The following PRKG2 variants were observed in gnomAD, a reference collection of about 807,000 sequenced individuals.
PRKG2 encodes the protein protein kinase cGMP-dependent 2.
PRKG2 carries 33 observed loss-of-function variants against 97.2 expected under a neutral mutation model. That is an observed-to-expected ratio of 0.34 (90% CI 0.26 to 0.45). The LOEUF is 0.45. Ranked by LOEUF, PRKG2 falls within the 20% of genes least tolerant of loss-of-function variation. PRKG2 has a pLI of 1.00. For synonymous variants in PRKG2, 330 were observed against 321.8 expected (o/e 1.03, Z -0.27); for missense variants, 638 against 900.0 (o/e 0.71, Z 3.73).
At position 81,144,268 on chromosome 4, in the gene PRKG2, G is replaced by A; in HGVS notation, c.1217C>T (p.Ala406Val). The A allele has an allele frequency of 6.2e-7, 1 of 1,612,192 alleles. No individual in the cohort carries two copies. Among genetic ancestry groups the A allele is most frequent in the Non-Finnish European group, 8.5e-7 (1 of 1,178,478 alleles). ...ELQKYLEGYV[A>V]NLNRDDEKRH... ...TTTTTCATCATCACGGTTCAGGTTT[G>A]CCACATATCCTTCAAGGTATTTTTG... Residue 406 changes from alanine (A) to valine (V), a missense_variant, in exon 10 of 19, where the codon GCA (alanine) becomes GTA (valine). Around this residue, in one of 3 missense-constraint regions of PRKG2, gnomAD observed 304 missense variants for 460.5 expected, o/e 0.66. Transcript: ENST00000264399.
chr4:81,184,875 C>T (rs572601738), intron 2 of PRKG2, among the ~76,000 whole-genome samples: 3 of 151,152 alleles, frequency 2.0e-5, no homozygotes, highest in South Asian at 2.1e-4. Context: ...ATCAATCAAG[C>T]GAAAGAAAGG....
intron 6 of PRKG2, 65 bp from the exon 7 acceptor site, chr4:81,153,786 G>T: frequency 8.7e-7 from 1 of 1,151,306 alleles, no homozygotes; most frequent in Non-Finnish European, 1.3e-6. Flanking sequence ...AATAGGAACA[G>T]CTCCAGTATA....
At chr4:81,120,654 A>G (rs1744989018) in intron 14 of PRKG2, among the ~76,000 whole-genome samples, 1 of 152,254 alleles carries the variant, frequency 6.6e-6, no homozygotes, top group South Asian at 2.1e-4. Context: ...GTATCCTGCA[A>G]CCTTGCTGTA....
intron 17 of PRKG2, among the ~76,000 whole-genome samples, chr4:81,093,405 A>ACACACACACACACAC (rs1560528514): frequency 7.4e-6 from 1 of 135,872 alleles, no homozygotes; most frequent in African/African-American, 3.2e-5. Context: ...ACACACACAC[A>ACACACACACACACAC]AGCTTCTTAT....
intron 6 of PRKG2, among the ~76,000 whole-genome samples, chr4:81,154,554 G>A (rs576703169): frequency 0.048 from 6,665 of 139,850 alleles, 661 homozygotes; most frequent in African/African-American, 0.2. Flanking sequence ...CTGCAGCTGA[G>A]GGTCCTGTCT....
At chr4:81,203,286 C>A (rs1229337222) in intron 2 of PRKG2, among the ~76,000 whole-genome samples, 1 of 151,918 alleles carries the variant, frequency 6.6e-6, no homozygotes, top group Non-Finnish European at 1.5e-5. Flanking sequence ...CTGCTGAAAT[C>A]CAATATTAAT....
At chr4:81,136,168 C>T (rs1180292280) in intron 13 of PRKG2, among the ~76,000 whole-genome samples, 1 of 152,172 alleles carries the variant, frequency 6.6e-6, no homozygotes, top group Admixed American at 6.5e-5. Flanking sequence ...CTTCCAGGTT[C>T]TCCCCATTCA....
rs1322908840 is a variant in PRKG2 at position 81,088,979 on chromosome 4, C to T, written c.*729G>A. On this transcript the variant is annotated 3_prime_UTR_variant, in exon 19 of 19. Transcript: ENST00000264399. The stretch of plus-strand genomic sequence containing the variant: ...TGTAACTATCTTTAACAAGGACTTT[C>T]GAAAAGTCTCTAAGGTATCACTGAT... The T allele has an allele frequency of 2.6e-5, 4 of 152,236 alleles. No homozygotes were observed. The highest frequency in any genetic ancestry group is 6.5e-5 in the Admixed American group (1 of 15,292). The allele number at this position is 152,236 out of a possible 1,614,324, so 9.4% of individuals were successfully genotyped here.
At chr4:81,089,952 C>T in intron 18 of PRKG2, 149 bp from the exon 19 acceptor site, 3 of 654,702 alleles carry the variant, frequency 4.6e-6, no homozygotes, top group Non-Finnish European at 7.9e-6. Context: ...AATTATCATT[C>T]TTGAGTCCTA....
intron 16 of PRKG2, among the ~76,000 whole-genome samples, chr4:81,104,834 A>T (rs1388355739): frequency 6.6e-6 from 1 of 152,152 alleles, no homozygotes; most frequent in East Asian, 1.9e-4. Context: ...GTTCTAAATT[A>T]TACTAAATTG....
chr4:81,167,447 GAA>G (rs1385337116), intron 5 of PRKG2, among the ~76,000 whole-genome samples: 2 of 151,846 alleles, frequency 1.3e-5, no homozygotes, highest in African/African-American at 4.8e-5. Context: ...GCAAACAAAT[GAA>G]AATAGTAAGA....
At chr4:81,176,375 T>G (rs1750931230) in intron 2 of PRKG2, among the ~76,000 whole-genome samples, 1 of 152,156 alleles carries the variant, frequency 6.6e-6, no homozygotes, top group South Asian at 2.1e-4. Flanking sequence ...CCAACTGTAT[T>G]ATATCATCAG....
rs1741344347 is a variant in PRKG2 at position 81,089,558 on chromosome 4, C to T, written c.*150G>A. ...ACTATAACTCAGAACCATATCCACA[C>T]CATTCTCCTCTTCCCATTGTGCAGG... On this transcript the variant is annotated 3_prime_UTR_variant, in exon 19 of 19. Coordinates refer to ENST00000264399, the MANE Select transcript of PRKG2 (RefSeq NM_006259.3). 4 of 584,496 alleles carry T rather than the reference C, an allele frequency of 6.8e-6. No homozygotes were observed. Among genetic ancestry groups the T allele is most frequent in the Non-Finnish European group, 8.9e-6 (3 of 335,362 alleles). 36.2% of individuals were successfully genotyped at this position (584,496 alleles called of 1,614,324 possible). A position where few individuals can be genotyped will look rare whatever the true frequency, so the allele number is the denominator to read the frequency against.
chr4:81,126,034 C>T (rs1234135378), intron 14 of PRKG2, among the ~76,000 whole-genome samples: 2 of 152,130 alleles, frequency 1.3e-5, no homozygotes, highest in Admixed American at 1.3e-4. Flanking sequence ...CCCAGACCCC[C>T]CAGCCGCCAA....
intron 12 of PRKG2, among the ~76,000 whole-genome samples, chr4:81,138,487 T>C (rs923100089): frequency 1.3e-5 from 2 of 152,298 alleles, no homozygotes; most frequent in South Asian, 4.1e-4. Flanking sequence ...TTCTGTCTTC[T>C]CATTGTTTCT....
chr4:81,110,772 C>CAGAG (rs775317880), intron 14 of PRKG2, among the ~76,000 whole-genome samples, 161 bp from the exon 15 acceptor site: 2 of 129,820 alleles, frequency 1.5e-5, no homozygotes, highest in Non-Finnish European at 3.2e-5. Context: ...GAGAGACAGA[C>CAGAG]AGACGGACAG....
At chr4:81,091,913 T>C (rs1476439896) in intron 18 of PRKG2, among the ~76,000 whole-genome samples, 1 of 152,188 alleles carries the variant, frequency 6.6e-6, no homozygotes, top group African/African-American at 2.4e-5. Flanking sequence ...TAAAATTCAC[T>C]TGGGATTTAG....
At chr4:81,125,866 C>A (rs1209156351) in intron 14 of PRKG2, among the ~76,000 whole-genome samples, 2 of 151,944 alleles carry the variant, frequency 1.3e-5, no homozygotes, top group African/African-American at 4.8e-5. Context: ...TCTATATTTT[C>A]TTTTGTGAAG....
chr4:81,101,975 C>T (rs758644164), intron 17 of PRKG2, among the ~76,000 whole-genome samples: 2 of 152,058 alleles, frequency 1.3e-5, no homozygotes, highest in Non-Finnish European at 2.9e-5. Flanking sequence ...TTCTGATGTT[C>T]CCCACCTTCA....
Sources: gnomAD v4.1 joint callset for allele counts (sites outside exome capture counted in the v4.1 genomes callset) on GRCh38, gnomAD v4.1.1 for gene constraint, gnomAD v4.1.1 regional missense constraint, MANE v1.5 for transcripts, NCBI Gene and HGNC (gene_info 2026-07-23, HGNC 2026-07-21) for gene names.